ABCA13: variants seen among roughly 807,000 people sequenced by gnomAD.
The protein encoded by ABCA13 is ATP binding cassette subfamily A member 13.
In ABCA13, 476 loss-of-function variants were observed where a neutral mutation model predicts 478.7. The observed-to-expected ratio is 0.99, with a 90% CI of 0.92 to 1.07. ABCA13 has a LOEUF of 1.07. Among genes scored for constraint, ABCA13 ranks in the 50% least tolerant of loss-of-function variants. ABCA13 has a pLI of 0.00. For missense variants in ABCA13, 6,060 were observed against 5,910.6 expected (o/e 1.03, Z -0.83); for synonymous variants, 2,252 against 2,158.9 (o/e 1.04, Z -1.20).
intron 55 of ABCA13, among the ~76,000 whole-genome samples, chr7:48,531,937 T>G (rs1833266435): frequency 6.6e-6 from 1 of 152,068 alleles, no homozygotes; most frequent in African/African-American, 2.4e-5. Flanking sequence ...AATCATATCA[T>G]CAGCAAACAG....
chr7:48,551,841 G>A (rs1034608137), intron 55 of ABCA13, among the ~76,000 whole-genome samples: 4 of 151,828 alleles, frequency 2.6e-5, no homozygotes, highest in Non-Finnish European at 4.4e-5. Context: ...GAATGCACAT[G>A]CCATTCTAAG....
chr7:48,450,513 A>G (rs1824860897), intron 42 of ABCA13, among the ~76,000 whole-genome samples: 1 of 152,220 alleles, frequency 6.6e-6, no homozygotes, highest in Middle Eastern at 3.2e-3. Context: ...TGTAGGGTTT[A>G]TGAATTATTG....
chr7:48,262,542 C>T (rs550889778), intron 15 of ABCA13, among the ~76,000 whole-genome samples: 76 of 151,994 alleles, frequency 5.0e-4, no homozygotes, highest in African/African-American at 1.7e-3. Flanking sequence ...TATTTGCTTT[C>T]TTCCTTCTAA....
chr7:48,272,991 TC>T lies in ABCA13; in HGVS notation c.3327del (p.Val1110Ter), dbSNP rs1202082702. 1.9e-6 allele frequency: 3 copies of T among 1,613,498 alleles called. No individual in the cohort carries two copies. Among genetic ancestry groups the T allele is most frequent in the African/African-American group, 2.7e-5 (2 of 74,906 alleles). On this transcript the variant is annotated frameshift_variant, in exon 17 of 62. Coordinates refer to ENST00000435803, the MANE Select transcript of ABCA13 (RefSeq NM_152701.5). LOFTEE classifies it high-confidence loss of function. ...CLISDNKHIS[S>X]VNYSTSEESS... ...GATTTCGGACAATAAACACATTTCT[TC>T]CGTAAATTATTCAACAAGTGAGGAG...
At chr7:48,459,581 T>C (rs1826034979) in intron 43 of ABCA13, among the ~76,000 whole-genome samples, 1 of 152,186 alleles carries the variant, frequency 6.6e-6, no homozygotes, top group Non-Finnish European at 1.5e-5. Flanking sequence ...TGTCTGTCAT[T>C]CCTGTGTGGA....
chr7:48,445,136 G>A (rs1205689044), intron 42 of ABCA13, among the ~76,000 whole-genome samples: 1 of 151,870 alleles, frequency 6.6e-6, no homozygotes. Flanking sequence ...AGCCTCCTGA[G>A]TAGCTGGAAT....
chr7:48,465,342 G>C (rs1032958338), intron 43 of ABCA13, among the ~76,000 whole-genome samples: 2 of 152,076 alleles, frequency 1.3e-5, no homozygotes, highest in African/African-American at 4.8e-5. Flanking sequence ...CTGAGCTTAC[G>C]TTTGTTCTGC....
chr7:48,412,394 T>C lies in ABCA13; in HGVS notation c.12270T>C (p.Cys4090=). 1 of 1,613,602 alleles carries C rather than the reference T, an allele frequency of 6.2e-7. No individual in the cohort carries two copies. The highest frequency in any genetic ancestry group is 1.1e-5 in the South Asian group (1 of 91,010). The change falls in exon 41 of 62, where the codon TGT becomes TGC. Residue 4090 remains cysteine, a synonymous_variant. Transcript: ENST00000435803. ...CCCATGATCTGAAAGACATGGCTTG[T>C]GTTACATCCCTGATAAAGATCTATA... ...LEAHDLKDMA[C]VTSLIKIYIP...
chr7:48,247,015 G>A (rs1346800423), intron 13 of ABCA13, among the ~76,000 whole-genome samples: 2 of 152,038 alleles, frequency 1.3e-5, no homozygotes, highest in Non-Finnish European at 2.9e-5. Context: ...TGGGCAGATC[G>A]TTTGAGCCCA....
chr7:48,523,788 G>A (rs1832714191), intron 53 of ABCA13, among the ~76,000 whole-genome samples: 1 of 152,092 alleles, frequency 6.6e-6, no homozygotes, highest in Non-Finnish European at 1.5e-5. Flanking sequence ...ATTGTGCAAA[G>A]TGCTGGTTAT....
At chr7:48,365,925 A>C (rs1563128799) in intron 31 of ABCA13, among the ~76,000 whole-genome samples, 1 of 152,216 alleles carries the variant, frequency 6.6e-6, no homozygotes, top group African/African-American at 2.4e-5. Flanking sequence ...TACATTACCC[A>C]AAACAATCTG....
intron 27 of ABCA13, among the ~76,000 whole-genome samples, chr7:48,325,039 T>A (rs1330513044): frequency 2.0e-5 from 3 of 152,216 alleles, no homozygotes; most frequent in African/African-American, 7.2e-5. Flanking sequence ...ACCTCCTCTG[T>A]CAGAGAACCA....
intron 19 of ABCA13, among the ~76,000 whole-genome samples, chr7:48,285,649 C>T (rs768763618): frequency 1.3e-5 from 2 of 152,248 alleles, no homozygotes; most frequent in Non-Finnish European, 2.9e-5. Flanking sequence ...GGGGCTGACA[C>T]AGCCCACAGC....
At chr7:48,392,301 C>T (rs1482736497) in intron 38 of ABCA13, among the ~76,000 whole-genome samples, 162 bp downstream of exon 38, 2 of 152,192 alleles carry the variant, frequency 1.3e-5, no homozygotes, top group African/African-American at 4.8e-5. Context: ...CAGCCACCAA[C>T]ACTGAGAATG....
chr7:48,363,309 G>T (rs1242532982), intron 31 of ABCA13, among the ~76,000 whole-genome samples: 4 of 152,086 alleles, frequency 2.6e-5, no homozygotes, highest in Non-Finnish European at 5.9e-5. Flanking sequence ...ATGTTATTAT[G>T]GAGAAATCTG....
At chr7:48,554,137 G>A (rs1466974145) in intron 55 of ABCA13, among the ~76,000 whole-genome samples, 1 of 151,842 alleles carries the variant, frequency 6.6e-6, no homozygotes, top group Non-Finnish European at 1.5e-5. Flanking sequence ...TTTCCTATGG[G>A]TGTATGGATT....
At chr7:48,245,677 A>G in intron 12 of ABCA13, 65 bp downstream of exon 12, 1 of 1,538,182 alleles carries the variant, frequency 6.5e-7, no homozygotes, top group East Asian at 2.3e-5. Flanking sequence ...CTCATGCAAT[A>G]TTCAGTTTTG....
At chr7:48,469,916 T>A (rs1240595924) in intron 44 of ABCA13, among the ~76,000 whole-genome samples, 1 of 141,082 alleles carries the variant, frequency 7.1e-6, no homozygotes, top group Non-Finnish European at 1.6e-5. Context: ...TGAGACTCCA[T>A]CTCAAAAAAA....
intron 15 of ABCA13, among the ~76,000 whole-genome samples, chr7:48,268,532 C>A (rs935190825): frequency 2.0e-5 from 3 of 152,152 alleles, no homozygotes; most frequent in East Asian, 1.9e-4. Context: ...GATTATTACT[C>A]ATCTGAATAC....
Sources: gnomAD v4.1 joint callset for allele counts (sites outside exome capture counted in the v4.1 genomes callset) on GRCh38, gnomAD v4.1.1 for gene constraint, MANE v1.5 for transcripts, NCBI Gene and HGNC (gene_info 2026-07-23, HGNC 2026-07-21) for gene names.